Variants in LEF1 observed in about 807,000 individuals in gnomAD.
LEF1 encodes the protein lymphoid enhancer-binding factor 1.
A neutral mutation model predicts 51.2 loss-of-function variants in LEF1; 14 were observed. That is an observed-to-expected ratio of 0.27 (90% CI 0.18 to 0.43). LEF1 has a LOEUF of 0.43. Among genes scored for constraint, LEF1 ranks in the 20% least tolerant of loss-of-function variants. LEF1 has a pLI of 1.00. For missense variants in LEF1, 386 were observed against 512.0 expected (o/e 0.75, Z 2.37); for synonymous variants, 185 against 183.2 (o/e 1.01, Z -0.08).
chr4:108,075,371 A>C (rs1295250607), intron 8 of LEF1: 2 of 152,262 alleles, frequency 1.3e-5, no homozygotes, highest in Admixed American at 1.3e-4. Flanking sequence ...GGTTCAGAAC[A>C]GACCTGGTAA....
intron 9 of LEF1, among the ~76,000 whole-genome samples, chr4:108,066,683 A>C (rs1176272722): frequency 6.6e-6 from 1 of 152,250 alleles, no homozygotes; most frequent in Non-Finnish European, 1.5e-5. Context: ...GGCAAAGAGA[A>C]CTAAGTAGTT....
At chr4:108,054,199 T>G (rs1028456655) in intron 11 of LEF1, among the ~76,000 whole-genome samples, 1 of 152,208 alleles carries the variant, frequency 6.6e-6, no homozygotes, top group Non-Finnish European at 1.5e-5. Flanking sequence ...GCATGCACTC[T>G]GAACGTACCA....
intron 3 of LEF1, among the ~76,000 whole-genome samples, chr4:108,116,216 A>T (rs1316635499): frequency 6.6e-6 from 1 of 152,170 alleles, no homozygotes; most frequent in Non-Finnish European, 1.5e-5. Context: ...AAAGAGAAAC[A>T]GTAAGCAAGA....
chr4:108,073,716 T>C (rs1438871387), intron 8 of LEF1, among the ~76,000 whole-genome samples: 2 of 152,012 alleles, frequency 1.3e-5, no homozygotes, highest in African/African-American at 4.8e-5. Flanking sequence ...AAGAAACAGG[T>C]TGACAAAAAG....
Position 108,157,179 on chromosome 4 carries a change from T to TACACACACACACACACAC in LEF1, c.414+6371_414+6388dup, listed in dbSNP as rs59867246. On this transcript the variant is annotated intron_variant, in intron 3 of 11. Coordinates refer to ENST00000265165, the MANE Select transcript of LEF1 (RefSeq NM_016269.5). ...CTCTCTCTCTCTCTCTATATATATA[T>TACACACACACACACACAC]ACACACACACACACACACACACACA... 1.6e-3 allele frequency among the ~76,000 whole-genome samples: 182 copies of TACACACACACACACACAC among 116,774 alleles called. 3 individuals are homozygous for TACACACACACACACACAC. The highest frequency in any genetic ancestry group is 9.5e-3 in the Middle Eastern group (2 of 210). 76.6% of individuals were successfully genotyped at this position (116,774 alleles called of 152,430 possible).
intron 3 of LEF1, among the ~76,000 whole-genome samples, chr4:108,149,458 C>CAAAAAAACAAAA (rs574051570): frequency 5.0e-5 from 3 of 60,602 alleles, no homozygotes; most frequent in African/African-American, 2.2e-4. Context: ...GACTCCGTCT[C>CAAAAAAACAAAA]AAAAAAAAAA....
intron 11 of LEF1, among the ~76,000 whole-genome samples, chr4:108,053,214 G>A (rs1374859500): frequency 1.3e-5 from 2 of 152,038 alleles, no homozygotes; most frequent in East Asian, 1.9e-4. Flanking sequence ...AGAAACAAAC[G>A]CATAAGTTAA....
intron 3 of LEF1, among the ~76,000 whole-genome samples, chr4:108,125,842 G>A (rs1742493260): frequency 6.6e-6 from 1 of 151,838 alleles, no homozygotes; most frequent in Non-Finnish European, 1.5e-5. Flanking sequence ...GGTAATCCTA[G>A]GTGTATTATG....
intron 3 of LEF1, among the ~76,000 whole-genome samples, chr4:108,114,381 GATA>G (rs2110321237): frequency 6.6e-6 from 1 of 152,266 alleles, no homozygotes; most frequent in Non-Finnish European, 1.5e-5. Context: ...TATATATGAT[GATA>G]ATGATCATCA....
intron 6 of LEF1, 57 bp downstream of exon 6, chr4:108,081,529 T>A (rs1036473277): frequency 7.2e-7 from 1 of 1,390,378 alleles, no homozygotes; most frequent in African/African-American, 1.4e-5. Context: ...GCGCACAGGA[T>A]GCAAGCACGA....
chr4:108,050,021 TC>T (rs1307723724), intron 11 of LEF1, among the ~76,000 whole-genome samples: 3 of 152,206 alleles, frequency 2.0e-5, no homozygotes, highest in Non-Finnish European at 2.9e-5. Context: ...GTATTATTAT[TC>T]CAATTATGCC....
At chr4:108,121,501 G>T (rs527737655) in intron 3 of LEF1, among the ~76,000 whole-genome samples, 141 of 152,296 alleles carry the variant, frequency 9.3e-4, no homozygotes, top group African/African-American at 3.2e-3. Flanking sequence ...GAAAAATACA[G>T]ATACCAATGC....
chr4:108,074,805 A>T lies in LEF1; in HGVS notation c.1008+3415T>A, dbSNP rs575060149. Among the ~76,000 whole-genome samples the T allele has an allele frequency of 2.2e-4, 34 of 152,360 alleles. 1 individual carries two copies. Among genetic ancestry groups the T allele is most frequent in the Non-Finnish European group, 4.7e-4 (32 of 68,036 alleles). ...ACATGCTCGGATCTGGGGATTGTTAAGGGAGCTGAGAAAGTAGCAATTGTT... is the reference window on the plus strand; with the variant it reads ...ACATGCTCGGATCTGGGGATTGTTATGGGAGCTGAGAAAGTAGCAATTGTT... On this transcript the variant is annotated intron_variant, in intron 8 of 11. Coordinates refer to ENST00000265165, the MANE Select transcript of LEF1 (RefSeq NM_016269.5).
intron 3 of LEF1, among the ~76,000 whole-genome samples, chr4:108,105,893 T>A (rs976635337): frequency 1.3e-5 from 2 of 152,224 alleles, no homozygotes; most frequent in African/African-American, 2.4e-5. Flanking sequence ...AGTTTATTAA[T>A]GTAGAATTCC....
intron 3 of LEF1, among the ~76,000 whole-genome samples, chr4:108,124,354 C>T (rs1560806978): frequency 1.3e-5 from 2 of 151,680 alleles, no homozygotes; most frequent in Non-Finnish European, 2.9e-5. Flanking sequence ...AGTATATACC[C>T]CTTAAACAGA....
At chr4:108,118,327 TAAAC>T (rs1011751311) in intron 3 of LEF1, among the ~76,000 whole-genome samples, 1 of 152,252 alleles carries the variant, frequency 6.6e-6, no homozygotes, top group African/African-American at 2.4e-5. Flanking sequence ...CTGCATTTGC[TAAAC>T]AGTGACATAA....
intron 3 of LEF1, among the ~76,000 whole-genome samples, chr4:108,120,137 C>T (rs576731170): frequency 6.6e-6 from 1 of 151,912 alleles, no homozygotes; most frequent in East Asian, 1.9e-4. Context: ...GCTCAAGGAA[C>T]CCTCCTGCCT....
intron 3 of LEF1, among the ~76,000 whole-genome samples, chr4:108,106,637 A>G (rs988928335): frequency 2.4e-4 from 37 of 152,322 alleles, no homozygotes; most frequent in African/African-American, 8.2e-4. Context: ...ATCGGGCTGC[A>G]AAGTGGTAGA....
chr4:108,089,086 T>G (rs1434471920), intron 4 of LEF1, 39 bp downstream of exon 4: 1 of 1,611,064 alleles, frequency 6.2e-7, no homozygotes, highest in Non-Finnish European at 8.5e-7. Flanking sequence ...GCTCTTCATT[T>G]GGCAAAAAAA....
Sources: gnomAD v4.1 joint callset for allele counts (sites outside exome capture counted in the v4.1 genomes callset) on GRCh38, gnomAD v4.1.1 for gene constraint, MANE v1.5 for transcripts, NCBI Gene and HGNC (gene_info 2026-07-23, HGNC 2026-07-21) for gene names.